SIK3: variants seen among roughly 807,000 people sequenced by gnomAD.
The protein encoded by SIK3 is SIK family kinase 3.
SIK3 carries 28 observed loss-of-function variants against 144.2 expected under a neutral mutation model. That is an observed-to-expected ratio of 0.19 (90% CI 0.14 to 0.27). The LOEUF is 0.27. SIK3 is among the 10% of genes least tolerant of loss of function. The pLI, the probability that SIK3 is intolerant of heterozygous loss-of-function variation, is 1.00. For synonymous variants in SIK3, 686 were observed against 676.3 expected, an observed-to-expected ratio of 1.01 and a Z score of -0.22; for missense variants, 1,319 against 1,776.0, an observed-to-expected ratio of 0.74 and a Z score of 4.62.
intron 1 of SIK3, among the ~76,000 whole-genome samples, chr11:117,058,140 G>A (rs1565603033): frequency 1.3e-5 from 2 of 152,126 alleles, no homozygotes; most frequent in South Asian, 2.1e-4. Flanking sequence ...CTTGGCATGT[G>A]AAGGATCTGA....
At chr11:117,065,850 G>A (rs1953986119) in intron 1 of SIK3, among the ~76,000 whole-genome samples, 1 of 151,468 alleles carries the variant, frequency 6.6e-6, no homozygotes, top group South Asian at 2.1e-4. Context: ...GGCTGGTCTC[G>A]AACTCCTGGC....
chr11:116,979,499 G>A (rs541593964), intron 1 of SIK3, among the ~76,000 whole-genome samples: 10 of 152,078 alleles, frequency 6.6e-5, no homozygotes, highest in African/African-American at 2.4e-4. Context: ...GCAAAAATGT[G>A]GCCAAATTAT....
intron 6 of SIK3, among the ~76,000 whole-genome samples, chr11:116,880,966 A>T (rs1337784126): frequency 2.0e-5 from 3 of 151,986 alleles, no homozygotes; most frequent in African/African-American, 4.8e-5. Flanking sequence ...TCTACTAAAA[A>T]TACAAAAATT....
At chr11:116,998,939 A>G (rs142151951) in intron 1 of SIK3, among the ~76,000 whole-genome samples, 136 of 152,366 alleles carry the variant, frequency 8.9e-4, no homozygotes, top group Admixed American at 3.2e-3. Context: ...GTATAGTTAG[A>G]CAATTATTTT....
chr11:117,085,493 C>CCTATATGGCCCAAT, intron 1 of SIK3, among the ~76,000 whole-genome samples: 1 of 152,096 alleles, frequency 6.6e-6, no homozygotes, highest in Non-Finnish European at 1.5e-5. Context: ...GCCAAAATAT[C>CCTATATGGCCCAAT]TACCGATGAA....
At chr11:117,076,990 T>C (rs1044055914) in intron 1 of SIK3, among the ~76,000 whole-genome samples, 1 of 152,162 alleles carries the variant, frequency 6.6e-6, no homozygotes, top group Non-Finnish European at 1.5e-5. Flanking sequence ...ACACTGTCTA[T>C]ACTAAAAATA....
chr11:116,880,698 A>G (rs990954679), intron 6 of SIK3, among the ~76,000 whole-genome samples: 1 of 152,238 alleles, frequency 6.6e-6, no homozygotes, highest in Non-Finnish European at 1.5e-5. Flanking sequence ...CGAGGGGAAT[A>G]GATGCTCTCA....
chr11:116,869,972 C>T (rs1943876660), intron 14 of SIK3: 1 of 591,610 alleles, frequency 1.7e-6, no homozygotes, highest in Non-Finnish European at 2.6e-6. Flanking sequence ...CATCCCACAT[C>T]TCCAATTCCT....
At chr11:116,936,098 G>A (rs889759145) in intron 3 of SIK3, among the ~76,000 whole-genome samples, 1 of 152,182 alleles carries the variant, frequency 6.6e-6, no homozygotes, top group Admixed American at 6.5e-5. Flanking sequence ...AACATAGTGA[G>A]ATCCCATCTT....
chr11:116,851,975 G>A (rs1382272067), intron 21 of SIK3, among the ~76,000 whole-genome samples: 2 of 152,194 alleles, frequency 1.3e-5, no homozygotes, highest in Non-Finnish European at 2.9e-5. Context: ...ATTCCTCGGG[G>A]TGCTTTTTTC....
chr11:116,923,473 A>G (rs935141788), intron 4 of SIK3, among the ~76,000 whole-genome samples: 1 of 152,178 alleles, frequency 6.6e-6, no homozygotes, highest in African/African-American at 2.4e-5. Flanking sequence ...AACTAGAAGC[A>G]TTTCTCCCAC....
chr11:117,078,754 A>G (rs1236860037), intron 1 of SIK3, among the ~76,000 whole-genome samples: 1 of 152,124 alleles, frequency 6.6e-6, no homozygotes, highest in Admixed American at 6.6e-5. Context: ...CATATTTTTA[A>G]TTTAACCCGA....
intron 1 of SIK3, among the ~76,000 whole-genome samples, chr11:116,962,495 T>C (rs1482166399): frequency 6.6e-6 from 1 of 152,230 alleles, no homozygotes; most frequent in Non-Finnish European, 1.5e-5. Context: ...CTCTATTTCT[T>C]TTAGAAATGT....
At chr11:117,027,253 T>C (rs1260052299) in intron 1 of SIK3, among the ~76,000 whole-genome samples, 1 of 152,184 alleles carries the variant, frequency 6.6e-6, no homozygotes, top group Non-Finnish European at 1.5e-5. Context: ...AGAGAAAACA[T>C]GGAAAACAGG....
chr11:116,889,951 G>A (rs1295023738), intron 6 of SIK3, among the ~76,000 whole-genome samples: 1 of 152,118 alleles, frequency 6.6e-6, no homozygotes, highest in Non-Finnish European at 1.5e-5. Context: ...CTAAACAAAT[G>A]TAATTATTTG....
chr11:117,069,060 T>C (rs1015839890), intron 1 of SIK3, among the ~76,000 whole-genome samples: 1 of 151,934 alleles, frequency 6.6e-6, no homozygotes, highest in Non-Finnish European at 1.5e-5. Flanking sequence ...CTAAACTGCA[T>C]TCCCATTTGG....
chr11:116,993,665 G>A (rs1950567189), intron 1 of SIK3, among the ~76,000 whole-genome samples: 1 of 152,176 alleles, frequency 6.6e-6, no homozygotes, highest in Non-Finnish European at 1.5e-5. Flanking sequence ...GTAGTGGAGA[G>A]GAAGAGGGGC....
chr11:117,028,860 C>T (rs1456272126), intron 1 of SIK3, among the ~76,000 whole-genome samples: 1 of 152,128 alleles, frequency 6.6e-6, no homozygotes, highest in Non-Finnish European at 1.5e-5. Flanking sequence ...AACATGCTGA[C>T]ATGCATGCAT....
At chr11:116,924,295 CAA>C (rs34356087) in intron 4 of SIK3, among the ~76,000 whole-genome samples, 11 of 105,334 alleles carry the variant, frequency 1.0e-4, no homozygotes, top group Non-Finnish European at 6.0e-5. Flanking sequence ...GACTCCATCT[CAA>C]AAAAAAAAAA....
Sources: allele counts gnomAD v4.1 joint callset (sites outside exome capture counted in the v4.1 genomes callset), GRCh38; gene constraint gnomAD v4.1.1; transcripts MANE v1.5; gene names NCBI Gene and HGNC (gene_info 2026-07-23, HGNC 2026-07-21).